The following SYS1 variants were observed in gnomAD, a reference collection of about 807,000 sequenced individuals.
SYS1 encodes SYS1 golgi trafficking protein, also known as protein SYS1 homolog.
A neutral mutation model predicts 17.8 loss-of-function variants in SYS1; 8 were observed. The ratio of observed to expected loss-of-function variants is 0.45; its 90% CI spans 0.26 to 0.81. The LOEUF is 0.81. Ranked by LOEUF, SYS1 falls within the 40% of genes least tolerant of loss-of-function variation. The pLI is 0.16. For missense variants in SYS1, 161 were observed against 203.9 expected (o/e 0.79, Z 1.28); for synonymous variants, 95 against 90.9 (o/e 1.05, Z -0.26).
At position 45,363,157 on chromosome 20, in the gene SYS1, TTTCCTACGCAGCC is replaced by T. The variant is rs1404810501; in HGVS notation, c.-161_-149del. ...CCGCTGCTTTCCCCGGAAACGTTTC[TTTCCTACGCAGCC>T]GCTCCTGCCGCCGTGGTCGCTGGAG... On this transcript the variant is annotated 5_prime_UTR_variant, in exon 1 of 4. Coordinates refer to ENST00000243918, the MANE Select transcript of SYS1 (RefSeq NM_033542.4). 9.7e-7 allele frequency: 1 copy of T among 1,029,362 alleles called. No homozygotes were observed. Among genetic ancestry groups the T allele is most frequent in the African/African-American group, 1.7e-5 (1 of 58,342 alleles). 63.8% of individuals were successfully genotyped at this position (1,029,362 alleles called of 1,614,324 possible). A position where few individuals can be genotyped will look rare whatever the true frequency, so the allele number is the denominator to read the frequency against.
rs907309496 is a variant in SYS1 at position 45,367,268 on chromosome 20, G to A, written c.*153G>A. ...GGAGAGATAGTGAGGGCCTGTCAAA[G>A]AAGGCAGGTAGCAGTCAGCATGACA... On this transcript the variant is annotated 3_prime_UTR_variant, in exon 4 of 4. Transcript: ENST00000243918. 1 of 1,459,570 alleles carries A rather than the reference G, an allele frequency of 6.9e-7. No homozygotes were observed. Among genetic ancestry groups the A allele is most frequent in the Non-Finnish European group, 9.0e-7 (1 of 1,108,934 alleles). The allele number at this position is 1,459,570 out of a possible 1,614,324, so 90.4% of individuals were successfully genotyped here.
rs938735988 is a variant in SYS1 at position 45,367,672 on chromosome 20, C to A, written c.*557C>A. ...GGGAGAGGATGGCAGATGGAGGCATCAAGCACAAGGAAAATGCACAACCTG... is the reference window on the plus strand; with the variant it reads ...GGGAGAGGATGGCAGATGGAGGCATAAAGCACAAGGAAAATGCACAACCTG... On this transcript the variant is annotated 3_prime_UTR_variant, in exon 4 of 4. Coordinates refer to ENST00000243918, the MANE Select transcript of SYS1 (RefSeq NM_033542.4). 5 of 990,862 alleles carry A rather than the reference C, an allele frequency of 5.0e-6. No homozygotes were observed. Among genetic ancestry groups the A allele is most frequent in the African/African-American group, 1.7e-5 (1 of 57,196 alleles). The allele number at this position is 990,862 out of a possible 1,614,324, so 61.4% of individuals were successfully genotyped here.
downstream of SYS1, among the ~76,000 whole-genome samples, chr20:45,370,314 C>T (rs1240865064): frequency 6.6e-6 from 1 of 152,162 alleles, no homozygotes; most frequent in African/African-American, 2.4e-5. Context: ...AGAGTACTAG[C>T]CCACTACTGA....
chr20:45,367,993 C>T lies in SYS1; in HGVS notation c.*878C>T. On this transcript the variant is annotated 3_prime_UTR_variant, in exon 4 of 4. Transcript: ENST00000243918. ...AAGAAGCCCAACCTTCTGGCCTGGG[C>T]TGTGCTGATAGTGCTGAGGGAGATA... 3 of 985,444 alleles carry T rather than the reference C, an allele frequency of 3.0e-6. No individual in the cohort carries two copies. The highest frequency in any genetic ancestry group is 1.2e-6 in the Non-Finnish European group (1 of 829,956). 61.0% of individuals were successfully genotyped at this position (985,444 alleles called of 1,614,324 possible).
chr20:45,366,054 A>G (rs1297700675), intron 3 of SYS1, among the ~76,000 whole-genome samples: 1 of 152,134 alleles, frequency 6.6e-6, no homozygotes, highest in Admixed American at 6.5e-5. Context: ...TCTTTTGTCC[A>G]TGAGGGTTTG....
chr20:45,367,861 C>G lies in SYS1; in HGVS notation c.*746C>G. ...AGTCTAACCATCATAAAGACACTGCCTGTCTTCTAGGAATGACCAGGCACC... is the reference window on the plus strand; with the variant it reads ...AGTCTAACCATCATAAAGACACTGCGTGTCTTCTAGGAATGACCAGGCACC... On this transcript the variant is annotated 3_prime_UTR_variant, in exon 4 of 4. Transcript: ENST00000243918. 1.0e-6 allele frequency: 1 copy of G among 985,854 alleles called. No individual in the cohort carries two copies. Among genetic ancestry groups the G allele is most frequent in the Non-Finnish European group, 1.2e-6 (1 of 829,944 alleles). 61.1% of individuals were successfully genotyped at this position (985,854 alleles called of 1,614,324 possible).
downstream of SYS1, among the ~76,000 whole-genome samples, chr20:45,369,588 G>A (rs1988513808): frequency 7.0e-6 from 1 of 143,376 alleles, no homozygotes; most frequent in South Asian, 2.2e-4. Context: ...AATATAGCCA[G>A]AGATTTCCTT....
rs1026850498 is a variant in SYS1, at chr20:45,367,720, T to C, written c.*605T>C. On this transcript the variant is annotated 3_prime_UTR_variant, in exon 4 of 4. Transcript: ENST00000243918. ...CTGTGCCCTGTTATACACACGTTCATGTGCACCCAAGAACCTATGACTTTC... is the reference window on the plus strand; with the variant it reads ...CTGTGCCCTGTTATACACACGTTCACGTGCACCCAAGAACCTATGACTTTC... 8.1e-6 allele frequency: 8 copies of C among 987,200 alleles called. No homozygotes were observed. The highest frequency in any genetic ancestry group is 8.4e-6 in the Non-Finnish European group (7 of 831,064). 61.2% of individuals were successfully genotyped at this position (987,200 alleles called of 1,614,324 possible).
downstream of SYS1, chr20:45,373,405 T>G (rs182289027): frequency 4.6e-4 from 78 of 169,828 alleles, no homozygotes; most frequent in East Asian, 9.7e-3. Flanking sequence ...TGACAATCAA[T>G]TTTTGACAAT....
downstream of SYS1, chr20:45,373,821 C>A: frequency 7.5e-7 from 1 of 1,336,166 alleles, no homozygotes; most frequent in Non-Finnish European, 1.1e-6. Context: ...GCTCCCTCTA[C>A]CGAAGGCCTC....
At chr20:45,369,596 C>CT (rs573922300), downstream of SYS1, among the ~76,000 whole-genome samples, 2,393 of 102,696 alleles carry the variant, frequency 0.023, 80 homozygotes, top group African/African-American at 0.056. Context: ...CAGAGATTTC[C>CT]TTTTTTTTTT....
downstream of SYS1, chr20:45,372,900 A>G (rs572873198): frequency 3.5e-5 from 2 of 57,598 alleles, no homozygotes; most frequent in South Asian, 1.2e-3. Flanking sequence ...GTGCCCAGTA[A>G]TGGTGGGGAG....
downstream of SYS1, among the ~76,000 whole-genome samples, chr20:45,369,513 C>T (rs1600750623): frequency 6.6e-6 from 1 of 151,426 alleles, no homozygotes; most frequent in Non-Finnish European, 1.5e-5. Context: ...TTTTAAATAC[C>T]GAGGATGAAT....
Position 45,367,952 on chromosome 20 carries a change from A to G in SYS1, c.*837A>G, listed in dbSNP as rs554146487. 655 of 985,426 alleles carry G rather than the reference A, an allele frequency of 6.6e-4. 2 individuals are homozygous for G. The highest frequency in any genetic ancestry group is 7.7e-4 in the Non-Finnish European group (643 of 829,924). The allele number at this position is 985,426 out of a possible 1,614,324, so 61.0% of individuals were successfully genotyped here. A position where few individuals can be genotyped will look rare whatever the true frequency, so the allele number is the denominator to read the frequency against. ...AGAATTCTTTGGCGGGAAGGGTATG[A>G]TGGGTTCCCAGAGACAAGAAGCCCA... On this transcript the variant is annotated 3_prime_UTR_variant, in exon 4 of 4. Coordinates refer to ENST00000243918, the MANE Select transcript of SYS1 (RefSeq NM_033542.4).
rs750207464 is a variant in SYS1, at chr20:45,363,521, C to A, written c.-3-8C>A. The A allele has an allele frequency of 6.3e-7, 1 of 1,588,774 alleles. No individual in the cohort carries two copies. Among genetic ancestry groups the A allele is most frequent in the Non-Finnish European group, 8.6e-7 (1 of 1,169,458 alleles). ...CCGCTGGCTGAGGCCCGGCTCGTGT[C>A]CCTGCAGGGCATGGCGGGTCAGTTC... is the stretch of plus-strand genomic sequence containing the variant. On this transcript the variant is annotated splice_region_variant and splice_polypyrimidine_tract_variant and intron_variant, in intron 1 of 3. Transcript: ENST00000243918.
At chr20:45,364,465 C>CTT (rs386393831) in intron 2 of SYS1, among the ~76,000 whole-genome samples, 56,185 of 80,214 alleles carry the variant, frequency 0.7, 21,596 homozygotes, top group Middle Eastern at 0.83. Context: ...GAGCACAGTT[C>CTT]TTTTTTTTTT....
rs1988492467 is a variant in SYS1 at position 45,368,667 on chromosome 20, GGTACCT to G, written c.*1553_*1558del. 1.0e-6 allele frequency: 1 copy of G among 985,304 alleles called. No individual in the cohort carries two copies. 61.0% of individuals were successfully genotyped at this position (985,304 alleles called of 1,614,324 possible). ...AGGGTGAGGCACCTCAGTAACTCATGGTACCTTGGCCAAGTTGGAAGGAAGCAGTTT... is the reference window on the plus strand; with the variant it reads ...AGGGTGAGGCACCTCAGTAACTCATGTGGCCAAGTTGGAAGGAAGCAGTTT... On this transcript the variant is annotated 3_prime_UTR_variant, in exon 4 of 4. Transcript: ENST00000243918.
rs1255803142 is a variant in SYS1, at chr20:45,368,849, A to C, written c.*1734A>C. The C allele has an allele frequency of 2.2e-5, 22 of 985,196 alleles. No individual in the cohort carries two copies. The highest frequency in any genetic ancestry group is 2.2e-5 in the Non-Finnish European group (18 of 829,928). The allele number at this position is 985,196 out of a possible 1,614,324, so 61.0% of individuals were successfully genotyped here. On this transcript the variant is annotated 3_prime_UTR_variant, in exon 4 of 4. Transcript: ENST00000243918. Reference sequence around the variant, plus strand: ...GAACACCCATCATGTGGCTGCTGTCACCCTTGACCAGCCGTGGTGGTGGTT... The same window carrying C: ...GAACACCCATCATGTGGCTGCTGTCCCCCTTGACCAGCCGTGGTGGTGGTT...
downstream of SYS1, chr20:45,373,893 C>T: frequency 6.2e-7 from 1 of 1,610,436 alleles, no homozygotes; most frequent in African/African-American, 1.3e-5. Flanking sequence ...GTCTTAGGTG[C>T]CATATGGAAG....
Sources: allele counts gnomAD v4.1 joint callset (sites outside exome capture counted in the v4.1 genomes callset), GRCh38; gene constraint gnomAD v4.1.1; transcripts MANE v1.5; gene names NCBI Gene and HGNC (gene_info 2026-07-23, HGNC 2026-07-21).